Variants in CPPED1 observed in about 807,000 individuals in gnomAD.
The protein encoded by CPPED1 is serine/threonine-protein phosphatase CPPED1.
Under a neutral mutation model 28.0 loss-of-function variants are expected in CPPED1, and 28 were observed. The observed-to-expected ratio is 1.00, with a 90% confidence interval of 0.74 to 1.37. The LOEUF is 1.37. CPPED1 is among the 40% of genes most tolerant of loss of function. The pLI, the probability that CPPED1 is intolerant of heterozygous loss-of-function variation, is 0.00. For synonymous variants in CPPED1, 198 were observed against 180.2 expected (o/e 1.10, Z -0.79); for missense variants, 504 against 416.5 (o/e 1.21, Z -1.83).
Position 12,664,885 on chromosome 16 carries a change from G to A in CPPED1, c.*1C>T, listed in dbSNP as rs772298081. On this transcript the variant is annotated 3_prime_UTR_variant, in exon 4 of 4. Coordinates refer to ENST00000381774, the MANE Select transcript of CPPED1 (RefSeq NM_018340.3). The surrounding 1 kb of genome is among the most constrained non-coding windows in gnomAD (Gnocchi z 4.2). The stretch of plus-strand genomic sequence containing the variant: ...AAAGTGAACGGGAACGGGAAGGAGC[G>A]TCATTTTTTCTTGATCAAATCCATG... 12 of 1,605,904 alleles carry A rather than the reference G, an allele frequency of 7.5e-6. No individual in the cohort carries two copies. Among genetic ancestry groups the A allele is most frequent in the Admixed American group, 5.2e-5 (3 of 57,824 alleles).
chr16:12,778,126 T>A (rs2141236872), intron 2 of CPPED1, among the ~76,000 whole-genome samples: 1 of 152,012 alleles, frequency 6.6e-6, no homozygotes, highest in East Asian at 1.9e-4. Context: ...GCCAGGCTGG[T>A]CTCGAACTCC....
At chr16:12,665,246 T>A in intron 3 of CPPED1, 131 bp from the exon 4 acceptor site, 1 of 774,814 alleles carries the variant, frequency 1.3e-6, no homozygotes, top group Non-Finnish European at 1.9e-6. Context: ...ATTATCATAT[T>A]AAATGTATAA....
At chr16:12,761,657 T>A (rs1044907117) in intron 2 of CPPED1, among the ~76,000 whole-genome samples, 1 of 152,174 alleles carries the variant, frequency 6.6e-6, no homozygotes, top group African/African-American at 2.4e-5. Flanking sequence ...GGAACTACAC[T>A]AGTAAAATCG....
chr16:12,797,400 T>A (rs2080633984), intron 1 of CPPED1, among the ~76,000 whole-genome samples: 1 of 152,056 alleles, frequency 6.6e-6, no homozygotes, highest in Admixed American at 6.6e-5. Context: ...AATATAAAAA[T>A]CAGCCAGGCG....
chr16:12,788,159 A>G (rs1450676934), intron 1 of CPPED1, among the ~76,000 whole-genome samples: 1 of 152,152 alleles, frequency 6.6e-6, no homozygotes, highest in African/African-American at 2.4e-5. Flanking sequence ...GGAAGCTACA[A>G]TCTTATATAA....
intron 2 of CPPED1, among the ~76,000 whole-genome samples, chr16:12,768,961 G>A (rs868198534): frequency 2.6e-5 from 4 of 151,812 alleles, no homozygotes; most frequent in Admixed American, 6.6e-5. Flanking sequence ...CACCTCCTGG[G>A]TTCAAGCGAT....
At chr16:12,750,763 G>A (rs1351003139) in intron 2 of CPPED1, among the ~76,000 whole-genome samples, 1 of 152,208 alleles carries the variant, frequency 6.6e-6, no homozygotes, top group African/African-American at 2.4e-5. Flanking sequence ...TTGCGGTCAG[G>A]AGTTTAAGAC....
chr16:12,719,543 G>C (rs1041308004), intron 2 of CPPED1, among the ~76,000 whole-genome samples: 2 of 152,186 alleles, frequency 1.3e-5, no homozygotes, highest in African/African-American at 4.8e-5. Flanking sequence ...TGGTCTCCAG[G>C]AGCGAAGACG....
intron 2 of CPPED1, among the ~76,000 whole-genome samples, chr16:12,754,212 A>T (rs1215335350): frequency 6.6e-6 from 1 of 152,176 alleles, no homozygotes; most frequent in Admixed American, 6.5e-5. Context: ...GCTCTGTTTG[A>T]TGACAGATGA....
intron 2 of CPPED1, among the ~76,000 whole-genome samples, chr16:12,723,823 G>A (rs1277586573): frequency 1.3e-5 from 2 of 152,088 alleles, no homozygotes; most frequent in African/African-American, 4.8e-5. Context: ...ACGTGGGTTT[G>A]TAGCATGCCT....
rs184131396 is a variant in CPPED1 at position 12,709,448 on chromosome 16, T to C, written c.290-4399A>G. 4.6e-5 allele frequency among the ~76,000 whole-genome samples: 7 copies of C among 152,280 alleles called. No homozygotes were observed. Among genetic ancestry groups the C allele is most frequent in the Admixed American group, 3.9e-4 (6 of 15,292 alleles). Reference sequence around the variant, plus strand: ...CTGGGTGGGAATGGCGAGAGCAGTGTAGAAAGCTGCAAAGCGTTTAAAACA... The same window carrying C: ...CTGGGTGGGAATGGCGAGAGCAGTGCAGAAAGCTGCAAAGCGTTTAAAACA... On this transcript the variant is annotated intron_variant, in intron 2 of 3. Transcript: ENST00000381774. The surrounding 1 kb of genome is among the most constrained non-coding windows in gnomAD (Gnocchi z 4.4).
chr16:12,675,276 G>C (rs2141169055), intron 3 of CPPED1, among the ~76,000 whole-genome samples: 1 of 152,300 alleles, frequency 6.6e-6, no homozygotes, highest in Non-Finnish European at 1.5e-5. Context: ...TTCCTTAATT[G>C]AGTATTATGT....
chr16:12,690,370 C>T (rs973327829), intron 3 of CPPED1, among the ~76,000 whole-genome samples: 1 of 151,194 alleles, frequency 6.6e-6, no homozygotes, highest in African/African-American at 2.4e-5. Flanking sequence ...AAAAATTAGC[C>T]AGGCGTGGTG....
intron 2 of CPPED1, among the ~76,000 whole-genome samples, chr16:12,739,091 T>C (rs915535483): frequency 4.6e-5 from 7 of 152,168 alleles, no homozygotes; most frequent in African/African-American, 1.7e-4. Flanking sequence ...AAGTAAGGTA[T>C]TGATTCTTCC....
intron 2 of CPPED1, among the ~76,000 whole-genome samples, chr16:12,724,402 T>C (rs2080158262): frequency 6.6e-6 from 1 of 152,128 alleles, no homozygotes; most frequent in African/African-American, 2.4e-5. Context: ...GGGGAAACAA[T>C]AACCTCCTGA....
At chr16:12,781,086 G>A in intron 2 of CPPED1, 99 bp downstream of exon 2, 2 of 1,003,904 alleles carry the variant, frequency 2.0e-6, no homozygotes, top group Non-Finnish European at 3.0e-6. Flanking sequence ...CCATGACTGA[G>A]CAAAGATGCC....
intron 2 of CPPED1, among the ~76,000 whole-genome samples, chr16:12,708,177 A>G (rs1555485850): frequency 6.7e-6 from 1 of 149,886 alleles, no homozygotes; most frequent in East Asian, 2.0e-4. Flanking sequence ...TATTGTTGGA[A>G]AAAAAAAAGA....
intron 3 of CPPED1, among the ~76,000 whole-genome samples, chr16:12,690,755 C>G (rs994708289): frequency 6.6e-6 from 1 of 151,828 alleles, no homozygotes; most frequent in African/African-American, 2.4e-5. Flanking sequence ...AACGGAGAGG[C>G]TTACTATGAA....
chr16:12,754,345 T>A (rs2080350990), intron 2 of CPPED1, among the ~76,000 whole-genome samples: 1 of 152,188 alleles, frequency 6.6e-6, no homozygotes, highest in Non-Finnish European at 1.5e-5. Context: ...CAGCAGCTGC[T>A]TGTTAGCTGT....
Sources: gnomAD v4.1 joint callset for allele counts (sites outside exome capture counted in the v4.1 genomes callset) on GRCh38, gnomAD v4.1.1 for gene constraint, Gnocchi (gnomAD v3.1) non-coding constraint, MANE v1.5 for transcripts, NCBI Gene and HGNC (gene_info 2026-07-23, HGNC 2026-07-21) for gene names.